The following WNK2 variants were observed in gnomAD, a reference collection of about 807,000 sequenced individuals.
WNK2 encodes the protein WNK lysine deficient protein kinase 2, also known as serine/threonine-protein kinase WNK2.
WNK2 carries 67 observed loss-of-function variants against 192.1 expected under a neutral mutation model. The observed-to-expected ratio is 0.35, with a 90% CI of 0.29 to 0.43. The LOEUF (loss-of-function observed/expected upper bound fraction) is 0.43. Among genes scored for constraint, WNK2 ranks in the 20% least tolerant of loss-of-function variants. WNK2 has a pLI of 1.00. For synonymous variants in WNK2, 1,439 were observed against 1,393.9 expected, an observed-to-expected ratio of 1.03 and a Z score of -0.72; for missense variants, 2,698 against 3,089.7, an observed-to-expected ratio of 0.87 and a Z score of 3.01.
At chr9:93,274,239 A>C (rs1288675597) in intron 19 of WNK2, among the ~76,000 whole-genome samples, 3 of 152,188 alleles carry the variant, frequency 2.0e-5, no homozygotes, top group African/African-American at 7.2e-5. Context: ...GAAAGCACAT[A>C]AGGCCGGGTG....
chr9:93,266,018 C>T (rs1381986181), intron 16 of WNK2, among the ~76,000 whole-genome samples: 1 of 152,208 alleles, frequency 6.6e-6, no homozygotes, highest in Non-Finnish European at 1.5e-5. Flanking sequence ...TAAACCAAGT[C>T]ACCTAACATA....
At chr9:93,250,171 AAC>A (rs1271685432) in intron 8 of WNK2, among the ~76,000 whole-genome samples, 1 of 151,828 alleles carries the variant, frequency 6.6e-6, no homozygotes, top group Non-Finnish European at 1.5e-5. Flanking sequence ...GCACACATAG[AAC>A]ACACACACAA....
chr9:93,223,572 G>A (rs1272784674), intron 2 of WNK2, among the ~76,000 whole-genome samples: 7 of 152,212 alleles, frequency 4.6e-5, no homozygotes, highest in Admixed American at 3.9e-4. Flanking sequence ...GTGACTGAGC[G>A]ACTCCAGACA....
At chr9:93,248,019 T>C (rs577648231) in intron 8 of WNK2, among the ~76,000 whole-genome samples, 185 bp downstream of exon 8, 20 of 152,310 alleles carry the variant, frequency 1.3e-4, no homozygotes, top group African/African-American at 4.6e-4. Context: ...GTAGCGTGGG[T>C]GATTGCTTTA....
chr9:93,246,813 G>A (rs774767705), intron 7 of WNK2, among the ~76,000 whole-genome samples: 47 of 152,224 alleles, frequency 3.1e-4, no homozygotes, highest in Admixed American at 7.2e-4. Flanking sequence ...GGGGAAGTGC[G>A]GGTGGATCTG....
At chr9:93,186,290 T>A (rs1168475242) in intron 2 of WNK2, among the ~76,000 whole-genome samples, 1 of 152,212 alleles carries the variant, frequency 6.6e-6, no homozygotes, top group Admixed American at 6.5e-5. Flanking sequence ...AACCGAGTCA[T>A]GCAGAATGCG....
rs748840502 is a variant in WNK2 at position 93,268,999 on chromosome 9, T to C, written c.4033+253T>C. ...ACCAAGTAGGTGGCTCGCATGGCCATATAGGTGTGTGTTGAAGAGCTCCGC... is the reference window on the plus strand; with the variant it reads ...ACCAAGTAGGTGGCTCGCATGGCCACATAGGTGTGTGTTGAAGAGCTCCGC... On this transcript the variant is annotated intron_variant, in intron 19 of 29. Transcript: ENST00000427277. 40 of 1,491,702 alleles carry C rather than the reference T, an allele frequency of 2.7e-5. No individual in the cohort carries two copies. In the Middle Eastern group the frequency reaches 1.5e-3, roughly 57 times the overall value. The allele number at this position is 1,491,702 out of a possible 1,614,324, so 92.4% of individuals were successfully genotyped here. A position where few individuals can be genotyped will look rare whatever the true frequency, so the allele number is the denominator to read the frequency against.
intron 19 of WNK2, among the ~76,000 whole-genome samples, chr9:93,276,177 A>T (rs1469481099): frequency 6.6e-6 from 1 of 152,276 alleles, no homozygotes; most frequent in Non-Finnish European, 1.5e-5. Context: ...TAGAGGGATC[A>T]CATTACTGAA....
intron 27 of WNK2, chr9:93,307,025 G>A (rs1471731689): frequency 9.4e-6 from 6 of 637,620 alleles, no homozygotes; most frequent in Non-Finnish European, 1.7e-5. Flanking sequence ...GTCTCGTGGC[G>A]CCTAGAGTTT....
intron 7 of WNK2, among the ~76,000 whole-genome samples, chr9:93,243,058 C>T (rs1184624792): frequency 6.6e-6 from 1 of 152,162 alleles, no homozygotes. Context: ...AGAGCCCTCT[C>T]AGCACTGATT....
intron 8 of WNK2, among the ~76,000 whole-genome samples, chr9:93,249,628 C>CA (rs1439718287): frequency 6.6e-6 from 1 of 152,094 alleles, no homozygotes; most frequent in Non-Finnish European, 1.5e-5. Flanking sequence ...CACCTGCTAT[C>CA]ACGCCCAGCT....
intron 6 of WNK2, 133 bp downstream of exon 6, chr9:93,238,454 T>G: frequency 1.2e-6 from 1 of 816,384 alleles, no homozygotes; most frequent in Non-Finnish European, 2.0e-6. Flanking sequence ...TGGGGCACGT[T>G]AGCAGGGGCT....
At chr9:93,267,464 G>A (rs752350406) in intron 16 of WNK2, among the ~76,000 whole-genome samples, 5 of 152,174 alleles carry the variant, frequency 3.3e-5, no homozygotes, top group Admixed American at 1.3e-4. Flanking sequence ...TGGCTGGACC[G>A]GCCTCAGGGT....
chr9:93,220,626 C>T (rs1465351675), intron 2 of WNK2, among the ~76,000 whole-genome samples: 1 of 152,170 alleles, frequency 6.6e-6, no homozygotes, highest in African/African-American at 2.4e-5. Flanking sequence ...CTGGGGAGAC[C>T]TCCATGGGGT....
At chr9:93,194,118 C>T (rs1304279724) in intron 2 of WNK2, among the ~76,000 whole-genome samples, 1 of 152,146 alleles carries the variant, frequency 6.6e-6, no homozygotes, top group African/African-American at 2.4e-5. Flanking sequence ...TGGCCATATG[C>T]CTAAATGTAA....
At chr9:93,318,852 C>T in intron 29 of WNK2, 4 of 1,399,846 alleles carry the variant, frequency 2.9e-6, no homozygotes, top group South Asian at 3.5e-5. Context: ...CCCCAGCCTC[C>T]TCCACCTCCC....
In WNK2 at chr9:93,257,035, C is replaced by T; in HGVS notation, c.2278C>T (p.Pro760Ser). 6.2e-7 allele frequency: 1 copy of T among 1,604,918 alleles called. No homozygotes were observed. The highest frequency in any genetic ancestry group is 8.5e-7 in the Non-Finnish European group (1 of 1,178,008). ...VPLQPVPPHL[P>S]PYLAPASQVG... ...CCTCCAGCCGGTTCCCCCCCACCTG[C>T]CACCGTACCTGGCTCCAGCCTCCCA... The change falls in exon 11 of 30, where the codon CCA becomes TCA. Residue 760 changes from proline to serine, a missense_variant. Pro to Ser is a moderately conservative substitution (Grantham distance 74). Transcript: ENST00000427277. The surrounding 1 kb of genome is among the most constrained non-coding windows in gnomAD (Gnocchi z 4.7).
chr9:93,206,004 C>A (rs1449346521), intron 2 of WNK2, among the ~76,000 whole-genome samples: 3 of 152,120 alleles, frequency 2.0e-5, no homozygotes, highest in African/African-American at 7.2e-5. Flanking sequence ...TTGTTGAGTG[C>A]TGGCTGTAGC....
chr9:93,246,722 C>T (rs1338435296), intron 7 of WNK2, among the ~76,000 whole-genome samples: 2 of 152,344 alleles, frequency 1.3e-5, no homozygotes, highest in Middle Eastern at 3.4e-3. Flanking sequence ...CCCTCTTGCA[C>T]GGGCACCTCC....
Sources: allele counts gnomAD v4.1 joint callset (sites outside exome capture counted in the v4.1 genomes callset), GRCh38; gene constraint gnomAD v4.1.1; non-coding constraint Gnocchi (gnomAD v3.1); transcripts MANE v1.5; gene names NCBI Gene and HGNC (gene_info 2026-07-23, HGNC 2026-07-21).